DNAH14: variants seen among roughly 807,000 people sequenced by gnomAD.
The protein encoded by DNAH14 is axonemal beta dynein heavy chain 14.
A neutral mutation model predicts 520.9 loss-of-function variants in DNAH14; 478 were observed. The observed-to-expected ratio is 0.92, with a 90% confidence interval of 0.85 to 0.99. DNAH14 has a LOEUF of 0.99. DNAH14 is among the 50% of genes least tolerant of loss of function. The pLI, the probability that DNAH14 is intolerant of heterozygous loss-of-function variation, is 0.00. For synonymous variants in DNAH14, 1,581 were observed against 1,757.2 expected, an observed-to-expected ratio of 0.90 and a Z score of 2.51; for missense variants, 4,831 against 5,234.5, an observed-to-expected ratio of 0.92 and a Z score of 2.38.
intron 36 of DNAH14, among the ~76,000 whole-genome samples, chr1:225,171,884 C>T (rs1404003080): frequency 3.3e-5 from 5 of 152,132 alleles, no homozygotes; most frequent in African/African-American, 9.7e-5. Flanking sequence ...ACTGGCAAAC[C>T]GAATCCAGCA....
chr1:225,128,651 T>C (rs1262388577), intron 27 of DNAH14, among the ~76,000 whole-genome samples: 1 of 151,820 alleles, frequency 6.6e-6, no homozygotes, highest in African/African-American at 2.4e-5. Flanking sequence ...AAATTAGGTA[T>C]TGATGGGACG....
intron 56 of DNAH14, among the ~76,000 whole-genome samples, chr1:225,301,968 T>C (rs1342471257): frequency 6.6e-6 from 1 of 151,826 alleles, no homozygotes; most frequent in Non-Finnish European, 1.5e-5. Flanking sequence ...CTATATTTGG[T>C]TTATTCATTA....
intron 1 of DNAH14, among the ~76,000 whole-genome samples, chr1:224,944,361 C>A (rs1254451148): frequency 6.6e-6 from 1 of 152,182 alleles, no homozygotes; most frequent in Middle Eastern, 3.4e-3. Flanking sequence ...TTCCTCCATC[C>A]CTTTATTTTG....
At chr1:225,384,844 T>C (rs887435298) in intron 81 of DNAH14, among the ~76,000 whole-genome samples, 7 of 152,064 alleles carry the variant, frequency 4.6e-5, no homozygotes, top group African/African-American at 1.4e-4. Context: ...TTCCAATCAA[T>C]AGAAAAAGAG....
At chr1:224,985,922 G>A (rs2062603647) in intron 8 of DNAH14, among the ~76,000 whole-genome samples, 3 of 151,772 alleles carry the variant, frequency 2.0e-5, no homozygotes, top group Admixed American at 2.0e-4. Context: ...AGCCTCAAAA[G>A]GGTGAATCTA....
At chr1:225,371,612 T>C (rs1297427183) in intron 77 of DNAH14, among the ~76,000 whole-genome samples, 1 of 152,136 alleles carries the variant, frequency 6.6e-6, no homozygotes, top group Non-Finnish European at 1.5e-5. Context: ...CATATTAACA[T>C]TGTAAAAAGA....
chr1:225,098,849 G>T (rs2075212098), intron 22 of DNAH14, among the ~76,000 whole-genome samples: 1 of 152,074 alleles, frequency 6.6e-6, no homozygotes, highest in Non-Finnish European at 1.5e-5. Context: ...TTCTGAAGTT[G>T]AAAAAGATGT....
chr1:225,185,946 G>T (rs202119130), intron 37 of DNAH14, among the ~76,000 whole-genome samples: 1,817 of 98,480 alleles, frequency 0.018, no homozygotes, highest in Middle Eastern at 0.043. Flanking sequence ...ATTACACTTT[G>T]TTTTTTTTTT....
At chr1:225,286,094 A>T (rs2093734842) in intron 54 of DNAH14, among the ~76,000 whole-genome samples, 1 of 152,212 alleles carries the variant, frequency 6.6e-6, no homozygotes, top group South Asian at 2.1e-4. Context: ...AAAACTGAGA[A>T]ACAAAATTCG....
At chr1:225,265,156 TTTTC>T (rs1312809668) in intron 47 of DNAH14, 22 bp from the exon 48 acceptor site, 3 of 1,414,382 alleles carry the variant, frequency 2.1e-6, no homozygotes, top group Non-Finnish European at 2.8e-6. Context: ...TAAATTTGTT[TTTTC>T]TTTCTATGTT....
intron 43 of DNAH14, among the ~76,000 whole-genome samples, chr1:225,244,219 G>A (rs952972270): frequency 6.6e-6 from 1 of 152,112 alleles, no homozygotes; most frequent in Admixed American, 6.6e-5. Flanking sequence ...GATTGTCATG[G>A]GTAAGATTTT....
chr1:225,391,296 G>A (rs1471921533), intron 83 of DNAH14, among the ~76,000 whole-genome samples: 2 of 152,066 alleles, frequency 1.3e-5, no homozygotes, highest in Admixed American at 6.6e-5. Context: ...ACAAGACTGG[G>A]TCCTGGTCAT....
At chr1:225,172,731 A>C (rs1019609908) in intron 36 of DNAH14, among the ~76,000 whole-genome samples, 2 of 152,234 alleles carry the variant, frequency 1.3e-5, no homozygotes, top group Non-Finnish European at 2.9e-5. Context: ...TCAAGCTACC[A>C]GTGACTTTCT....
chr1:225,025,955 G>A (rs1260371966), intron 11 of DNAH14, among the ~76,000 whole-genome samples: 6 of 151,782 alleles, frequency 4.0e-5, no homozygotes, highest in Non-Finnish European at 8.8e-5. Flanking sequence ...GTTCTTTGAG[G>A]AAATATCTAT....
chr1:224,968,411 T>TA (rs2061321682), intron 6 of DNAH14, among the ~76,000 whole-genome samples: 1 of 152,136 alleles, frequency 6.6e-6, no homozygotes, highest in Admixed American at 6.6e-5. Flanking sequence ...TTTCTGTAGC[T>TA]AAAATTAAGT....
chr1:225,072,826 C>T (rs1445469447), intron 17 of DNAH14, among the ~76,000 whole-genome samples: 2 of 152,094 alleles, frequency 1.3e-5, no homozygotes, highest in Non-Finnish European at 2.9e-5. Flanking sequence ...TTGGAGTTAT[C>T]GTCAGTGAAG....
intron 75 of DNAH14, among the ~76,000 whole-genome samples, chr1:225,363,744 T>C (rs144354039): frequency 1.0e-3 from 155 of 152,332 alleles, no homozygotes; most frequent in African/African-American, 3.6e-3. Context: ...TCCTGCTGTA[T>C]AATTTAACTC....
chr1:225,371,693 T>G lies in DNAH14; in HGVS notation c.12319-2995T>G, dbSNP rs371610195. Among the ~76,000 whole-genome samples, 167 of 152,256 alleles carry G rather than the reference T, an allele frequency of 1.1e-3. No individual in the cohort carries two copies. In the Middle Eastern group the frequency reaches 0.014, roughly 12 times the overall value. On this transcript the variant is annotated intron_variant, in intron 77 of 85. Transcript: ENST00000682510. ...GAGATACTAGTAAAACAAAATCTAG[T>G]AATTAGAGAATTTTGTAAAGTAACT...
chr1:225,005,104 C>T (rs1297493901), intron 9 of DNAH14, among the ~76,000 whole-genome samples: 1 of 152,060 alleles, frequency 6.6e-6, no homozygotes, highest in Non-Finnish European at 1.5e-5. Flanking sequence ...TAAAATTCAC[C>T]TATTTGAACA....
Sources: gnomAD v4.1 joint callset for allele counts (sites outside exome capture counted in the v4.1 genomes callset) on GRCh38, gnomAD v4.1.1 for gene constraint, MANE v1.5 for transcripts, NCBI Gene and HGNC (gene_info 2026-07-23, HGNC 2026-07-21) for gene names.